PTPRO: variants seen among roughly 807,000 people sequenced by gnomAD.
PTPRO encodes receptor-type tyrosine-protein phosphatase O.
A neutral mutation model predicts 145.2 loss-of-function variants in PTPRO; 62 were observed. The ratio of observed to expected loss-of-function variants is 0.43; its 90% CI spans 0.35 to 0.53. The LOEUF is 0.53. Ranked by LOEUF, PTPRO falls within the 20% of genes least tolerant of loss-of-function variation. The pLI, the probability that PTPRO is intolerant of heterozygous loss-of-function variation, is 0.01. For missense variants in PTPRO, 1,345 were observed against 1,482.7 expected (o/e 0.91, Z 1.53); for synonymous variants, 565 against 514.7 (o/e 1.10, Z -1.32).
chr12:15,581,527 C>T, intron 22 of PTPRO, 152 bp from the exon 23 acceptor site: 1 of 876,184 alleles, frequency 1.1e-6, no homozygotes, highest in South Asian at 1.4e-5. Flanking sequence ...AGAATTCACA[C>T]TACGTAGCAG....
At chr12:15,459,512 G>C (rs1013265794) in intron 1 of PTPRO, among the ~76,000 whole-genome samples, 1 of 152,246 alleles carries the variant, frequency 6.6e-6, no homozygotes, top group Non-Finnish European at 1.5e-5. Flanking sequence ...ATTATGGTTA[G>C]AGGATGTCTC....
At chr12:15,425,663 T>A (rs1940264994) in intron 1 of PTPRO, among the ~76,000 whole-genome samples, 1 of 152,170 alleles carries the variant, frequency 6.6e-6, no homozygotes, top group African/African-American at 2.4e-5. Flanking sequence ...TTCTCAAATG[T>A]TACATTATTT....
At chr12:15,511,003 C>CAAAAAAAAAAA (rs10648692) in intron 7 of PTPRO, among the ~76,000 whole-genome samples, 6 of 105,638 alleles carry the variant, frequency 5.7e-5, no homozygotes, top group South Asian at 3.6e-4. Flanking sequence ...TCTGTCTCCA[C>CAAAAAAAAAAA]AAAAAAAAAA....
intron 1 of PTPRO, among the ~76,000 whole-genome samples, chr12:15,354,305 TC>T (rs1417631312): frequency 6.6e-6 from 1 of 152,214 alleles, no homozygotes; most frequent in Non-Finnish European, 1.5e-5. Flanking sequence ...TCACCGTTCT[TC>T]CACTGAAGCT....
chr12:15,570,438 G>T (rs978072225), intron 19 of PTPRO, among the ~76,000 whole-genome samples: 3 of 151,956 alleles, frequency 2.0e-5, no homozygotes, highest in Admixed American at 1.3e-4. Context: ...GCTTTAGTCT[G>T]CAAAAAGCAT....
intron 1 of PTPRO, among the ~76,000 whole-genome samples, chr12:15,323,804 A>G (rs1866369675): frequency 6.6e-6 from 1 of 152,200 alleles, no homozygotes; most frequent in Non-Finnish European, 1.5e-5. Context: ...AGGTTTTCTT[A>G]TTATAGAGTC....
At chr12:15,554,360 A>T (rs939504967) in intron 15 of PTPRO, among the ~76,000 whole-genome samples, 1 of 151,922 alleles carries the variant, frequency 6.6e-6, no homozygotes. Context: ...CTAATAGTAC[A>T]TAGTAGTATA....
At chr12:15,560,919 T>G (rs1943757013) in intron 17 of PTPRO, among the ~76,000 whole-genome samples, 1 of 152,170 alleles carries the variant, frequency 6.6e-6, no homozygotes, top group South Asian at 2.1e-4. Context: ...TTCTTTCCTC[T>G]GTAAAGAGCA....
chr12:15,336,067 A>G (rs1045615383), intron 1 of PTPRO, among the ~76,000 whole-genome samples: 3 of 152,198 alleles, frequency 2.0e-5, no homozygotes, highest in Non-Finnish European at 4.4e-5. Flanking sequence ...AATAACATAC[A>G]AAGAACTGGA....
At chr12:15,358,015 A>C (rs2136238945) in intron 1 of PTPRO, among the ~76,000 whole-genome samples, 1 of 151,744 alleles carries the variant, frequency 6.6e-6, no homozygotes, top group African/African-American at 2.4e-5. Flanking sequence ...GACTGGATTA[A>C]GAAAATGTGG....
chr12:15,579,406 A>G (rs922268361), intron 20 of PTPRO, among the ~76,000 whole-genome samples: 4 of 152,262 alleles, frequency 2.6e-5, no homozygotes, highest in African/African-American at 7.2e-5. Flanking sequence ...GCACTTACAA[A>G]ACAATTAAAA....
intron 1 of PTPRO, among the ~76,000 whole-genome samples, chr12:15,325,888 G>A (rs997794131): frequency 1.4e-4 from 21 of 152,250 alleles, no homozygotes; most frequent in Admixed American, 9.8e-4. Flanking sequence ...AGTGCTTGGC[G>A]TGTGTCCTTC....
intron 6 of PTPRO, among the ~76,000 whole-genome samples, chr12:15,506,658 G>A (rs1431774117): frequency 6.6e-6 from 1 of 152,044 alleles, no homozygotes; most frequent in African/African-American, 2.4e-5. Context: ...TCATTGTCTT[G>A]AGAACAGCAT....
Position 15,557,312 on chromosome 12 carries a change from G to C in PTPRO, c.2559-143G>C, listed in dbSNP as rs1943659239. On this transcript the variant is annotated intron_variant, in intron 15 of 26. Transcript: ENST00000281171. ...CCCAAAGTACTGGGATTACAGGCGT[G>C]AGCCACCGCACCTGGCCTAGCTTCT... is the stretch of plus-strand genomic sequence containing the variant. The C allele has an allele frequency of 3.1e-5, 24 of 763,896 alleles. 3 individuals carry two copies. In the South Asian group the frequency reaches 3.6e-4, roughly 11 times the overall value. The allele number at this position is 763,896 out of a possible 1,614,324, so 47.3% of individuals were successfully genotyped here. A position where few individuals can be genotyped will look rare whatever the true frequency, so the allele number is the denominator to read the frequency against.
intron 1 of PTPRO, among the ~76,000 whole-genome samples, chr12:15,419,936 A>G (rs575657631): frequency 4.5e-4 from 68 of 151,534 alleles, no homozygotes; most frequent in Non-Finnish European, 8.4e-4. Flanking sequence ...TCACGAGGTC[A>G]GGAGATCGAG....
intron 1 of PTPRO, among the ~76,000 whole-genome samples, chr12:15,483,730 A>T (rs1460061620): frequency 6.6e-6 from 1 of 152,226 alleles, no homozygotes; most frequent in South Asian, 2.1e-4. Context: ...GCAGATTTTC[A>T]GTGGAAAAAA....
chr12:15,557,037 T>G (rs941057136), intron 15 of PTPRO, among the ~76,000 whole-genome samples: 7 of 151,550 alleles, frequency 4.6e-5, no homozygotes, highest in South Asian at 2.1e-4. Context: ...ATTTTGTTTT[T>G]TTTTTTTTTC....
chr12:15,347,064 G>A (rs1055879102), intron 1 of PTPRO, among the ~76,000 whole-genome samples: 39 of 152,156 alleles, frequency 2.6e-4, no homozygotes, highest in African/African-American at 8.9e-4. Flanking sequence ...CCCAACAAGT[G>A]GCTCCTCATC....
chr12:15,504,393 G>A (rs1942279984), intron 6 of PTPRO, among the ~76,000 whole-genome samples: 1 of 152,144 alleles, frequency 6.6e-6, no homozygotes, highest in South Asian at 2.1e-4. Context: ...TACGACATTT[G>A]TTTGAGCCCA....
Sources: gnomAD v4.1 joint callset for allele counts (sites outside exome capture counted in the v4.1 genomes callset) on GRCh38, gnomAD v4.1.1 for gene constraint, MANE v1.5 for transcripts, NCBI Gene and HGNC (gene_info 2026-07-23, HGNC 2026-07-21) for gene names.